SPAG16: variants seen among roughly 807,000 people sequenced by gnomAD.
SPAG16 encodes sperm-associated antigen 16 protein.
In SPAG16, 86 loss-of-function variants were observed where a neutral mutation model predicts 80.4. The ratio of observed to expected loss-of-function variants is 1.07; its 90% CI spans 0.90 to 1.28. The LOEUF (loss-of-function observed/expected upper bound fraction) is 1.28. Among genes scored for constraint, SPAG16 ranks in the 50% most tolerant of loss-of-function variants. The probability of loss-of-function intolerance (pLI) is 0.00; values close to 1 mark genes in which losing one functional copy is unlikely to be tolerated. For synonymous variants in SPAG16, 294 were observed against 265.9 expected (o/e 1.11, Z -1.03); for missense variants, 870 against 765.3 (o/e 1.14, Z -1.61).
chr2:213,419,372 G>A (rs17750895), intron 9 of SPAG16, among the ~76,000 whole-genome samples: 32,818 of 151,722 alleles, frequency 0.22, 4,405 homozygotes, highest in Non-Finnish European at 0.31. Context: ...CCCTTTCCAC[G>A]CTCCTCATTA....
intron 10 of SPAG16, among the ~76,000 whole-genome samples, chr2:213,828,627 G>A (rs543838878): frequency 6.6e-5 from 10 of 152,208 alleles, no homozygotes; most frequent in South Asian, 4.1e-4. Flanking sequence ...ATTTATTATC[G>A]TTTTCACAGT....
intron 15 of SPAG16, among the ~76,000 whole-genome samples, chr2:214,225,061 GCCAT>G (rs1393522788): frequency 6.6e-6 from 1 of 152,158 alleles, no homozygotes; most frequent in Non-Finnish European, 1.5e-5. Flanking sequence ...TAACATTTAA[GCCAT>G]GCATATAGAA....
chr2:214,408,510 T>C (rs968741131), intron 15 of SPAG16, among the ~76,000 whole-genome samples: 1 of 152,200 alleles, frequency 6.6e-6, no homozygotes, highest in Admixed American at 6.5e-5. Context: ...AGAAGCCCAG[T>C]AGTTATAAAG....
intron 9 of SPAG16, among the ~76,000 whole-genome samples, chr2:213,421,255 G>A (rs2069567400): frequency 6.6e-6 from 1 of 152,038 alleles, no homozygotes; most frequent in South Asian, 2.1e-4. Flanking sequence ...GAGCAAAGTT[G>A]TGGCTGAGCC....
intron 9 of SPAG16, among the ~76,000 whole-genome samples, chr2:213,484,268 TATC>T (rs2073883510): frequency 6.6e-6 from 1 of 152,212 alleles, no homozygotes. Flanking sequence ...ATTTTGCAAA[TATC>T]ATCCTTCTCC....
At chr2:213,951,666 G>A (rs1323317173) in intron 12 of SPAG16, among the ~76,000 whole-genome samples, 1 of 152,076 alleles carries the variant, frequency 6.6e-6, no homozygotes, top group Non-Finnish European at 1.5e-5. Context: ...TATGACAAAA[G>A]AGTATAAATT....
At position 214,002,803 on chromosome 2, in the gene SPAG16, G is replaced by C. The variant is rs1365296818; in HGVS notation, c.1401-11148G>C. ...TTATGCCCTCAATGGATTGAATGGTGCCCTCTTACATTGGCGAGGGACATC... is the reference window on the plus strand; with the variant it reads ...TTATGCCCTCAATGGATTGAATGGTCCCCTCTTACATTGGCGAGGGACATC... On this transcript the variant is annotated intron_variant, in intron 12 of 15. Coordinates refer to ENST00000331683, the MANE Select transcript of SPAG16 (RefSeq NM_024532.5). 2.0e-5 allele frequency among the ~76,000 whole-genome samples: 3 copies of C among 152,118 alleles called. No homozygotes were observed. The East Asian group carries it at 5.8e-4, about 29-fold the overall frequency.
At chr2:213,522,655 C>T (rs1387979399) in intron 10 of SPAG16, among the ~76,000 whole-genome samples, 2 of 152,168 alleles carry the variant, frequency 1.3e-5, no homozygotes, top group African/African-American at 4.8e-5. Flanking sequence ...CACCCCAACA[C>T]TGGGCAGCAA....
At chr2:214,377,527 A>C (rs1010532192) in intron 15 of SPAG16, among the ~76,000 whole-genome samples, 4 of 152,144 alleles carry the variant, frequency 2.6e-5, no homozygotes, top group African/African-American at 9.7e-5. Flanking sequence ...TCTTAATAAC[A>C]TTTTCTTTTC....
intron 15 of SPAG16, among the ~76,000 whole-genome samples, chr2:214,297,075 T>A (rs542170976): frequency 6.6e-6 from 1 of 152,284 alleles, no homozygotes; most frequent in East Asian, 1.9e-4. Flanking sequence ...CAAATAAAAT[T>A]GTTTTCTTAA....
At chr2:214,263,978 G>C (rs1433133419) in intron 15 of SPAG16, among the ~76,000 whole-genome samples, 6 of 152,128 alleles carry the variant, frequency 3.9e-5, no homozygotes, top group Non-Finnish European at 7.3e-5. Flanking sequence ...CAATTTATTA[G>C]AATTATTAAG....
In SPAG16 at chr2:213,701,577, G is replaced by A. The variant is rs560720801; in HGVS notation, c.1071-160908G>A. ...TGGAGGGCGCTGCTCTGTGGCGCCTGGTCCCATCGACCTTCCAAGGGCTGA... is the reference window on the plus strand; with the variant it reads ...TGGAGGGCGCTGCTCTGTGGCGCCTAGTCCCATCGACCTTCCAAGGGCTGA... On this transcript the variant is annotated intron_variant, in intron 10 of 15. Coordinates refer to ENST00000331683, the MANE Select transcript of SPAG16 (RefSeq NM_024532.5). 7.6e-3 allele frequency among the ~76,000 whole-genome samples: 1,162 copies of A among 152,214 alleles called. 14 individuals carry two copies. The highest frequency in any genetic ancestry group is 0.01 in the Middle Eastern group (3 of 294).
At chr2:213,288,775 T>A (rs758139716) in intron 1 of SPAG16, among the ~76,000 whole-genome samples, 2 of 152,212 alleles carry the variant, frequency 1.3e-5, no homozygotes, top group Non-Finnish European at 2.9e-5. Flanking sequence ...CTTTTTCTTC[T>A]GTTATAAAAT....
chr2:213,348,103 G>A (rs2065100599), intron 6 of SPAG16, among the ~76,000 whole-genome samples: 2 of 152,122 alleles, frequency 1.3e-5, no homozygotes, highest in South Asian at 2.1e-4. Flanking sequence ...AGGATAGTTA[G>A]CTCTTGTCAA....
intron 10 of SPAG16, among the ~76,000 whole-genome samples, chr2:213,719,165 T>C (rs1234385398): frequency 6.9e-6 from 1 of 144,758 alleles, no homozygotes; most frequent in Non-Finnish European, 1.5e-5. Context: ...GGTTTGTAAA[T>C]ACACCAATCA....
At chr2:213,301,681 T>G (rs899771404) in intron 3 of SPAG16, among the ~76,000 whole-genome samples, 8 of 152,144 alleles carry the variant, frequency 5.3e-5, no homozygotes, top group African/African-American at 1.9e-4. Flanking sequence ...ACCTAAAAGA[T>G]GTGTCTAATG....
intron 10 of SPAG16, among the ~76,000 whole-genome samples, chr2:213,766,037 C>G (rs554034096): frequency 6.6e-6 from 1 of 152,178 alleles, no homozygotes; most frequent in Non-Finnish European, 1.5e-5. Flanking sequence ...CTGAGAGCTT[C>G]GTGGCTTTAA....
intron 13 of SPAG16, among the ~76,000 whole-genome samples, chr2:214,104,487 G>A (rs2053266826): frequency 6.6e-6 from 1 of 152,048 alleles, no homozygotes; most frequent in South Asian, 2.1e-4. Context: ...TGCCCCCAGA[G>A]TGGTGATAGT....
chr2:214,195,431 A>G (rs940200164), intron 15 of SPAG16, among the ~76,000 whole-genome samples: 1 of 152,098 alleles, frequency 6.6e-6, no homozygotes, highest in African/African-American at 2.4e-5. Context: ...TAGGAAAAGA[A>G]TTACAGGGGG....
Sources: allele counts gnomAD v4.1 joint callset (sites outside exome capture counted in the v4.1 genomes callset), GRCh38; gene constraint gnomAD v4.1.1; transcripts MANE v1.5; gene names NCBI Gene and HGNC (gene_info 2026-07-23, HGNC 2026-07-21).